Variants in TMTC2 observed in about 807,000 individuals in gnomAD.
TMTC2 encodes the protein transmembrane O-mannosyltransferase targeting cadherins 2.
Under a neutral mutation model 82.4 loss-of-function variants are expected in TMTC2, and 43 were observed. The ratio of observed to expected loss-of-function variants is 0.52; its 90% CI spans 0.41 to 0.67. TMTC2 has a LOEUF of 0.67. TMTC2 is among the 30% of genes least tolerant of loss of function. The pLI, the probability that TMTC2 is intolerant of heterozygous loss-of-function variation, is 0.00. For synonymous variants in TMTC2, 408 were observed against 381.9 expected, an observed-to-expected ratio of 1.07 and a Z score of -0.80; for missense variants, 919 against 1,012.4, an observed-to-expected ratio of 0.91 and a Z score of 1.25.
At chr12:82,914,382 T>C (rs1874872909) in intron 3 of TMTC2, among the ~76,000 whole-genome samples, 1 of 152,172 alleles carries the variant, frequency 6.6e-6, no homozygotes, top group African/African-American at 2.4e-5. Context: ...AGCTACTGGA[T>C]TGATCACAGT....
intron 11 of TMTC2, among the ~76,000 whole-genome samples, chr12:83,115,553 A>G (rs1037626117): frequency 1.3e-5 from 2 of 152,212 alleles, no homozygotes; most frequent in African/African-American, 4.8e-5. Flanking sequence ...GATGAGCTGC[A>G]TGCTTATTGC....
At chr12:82,741,340 T>C (rs1358255391) in intron 1 of TMTC2, among the ~76,000 whole-genome samples, 1 of 152,184 alleles carries the variant, frequency 6.6e-6, no homozygotes, top group East Asian at 1.9e-4. Flanking sequence ...AGACGGAATC[T>C]TGCTCTGTTG....
chr12:82,752,950 T>G (rs920064801), intron 1 of TMTC2, among the ~76,000 whole-genome samples: 5 of 152,154 alleles, frequency 3.3e-5, no homozygotes, highest in Non-Finnish European at 5.9e-5. Flanking sequence ...ACCCCTAGGC[T>G]AAAATCACCT....
At chr12:82,864,496 CTTTTTTT>C (rs775559477) in intron 2 of TMTC2, among the ~76,000 whole-genome samples, 1 of 107,820 alleles carries the variant, frequency 9.3e-6, no homozygotes, top group Non-Finnish European at 1.9e-5. Context: ...ATGTCACATT[CTTTTTTT>C]TTTTTTTTTT....
chr12:82,750,794 T>C (rs1324445313), intron 1 of TMTC2, among the ~76,000 whole-genome samples: 1 of 152,206 alleles, frequency 6.6e-6, no homozygotes, highest in Non-Finnish European at 1.5e-5. Context: ...GTTATGACTT[T>C]TTCTTCTTCT....
At chr12:82,699,812 G>T (rs1485257564) in intron 1 of TMTC2, among the ~76,000 whole-genome samples, 1 of 152,048 alleles carries the variant, frequency 6.6e-6, no homozygotes, top group Non-Finnish European at 1.5e-5. Flanking sequence ...TCTAATCCCA[G>T]AACTATTATA....
At chr12:82,715,941 C>T (rs1373718927) in intron 1 of TMTC2, among the ~76,000 whole-genome samples, 2 of 152,092 alleles carry the variant, frequency 1.3e-5, no homozygotes, top group Admixed American at 1.3e-4. Flanking sequence ...CTTCCTTCTC[C>T]CCTCCGCTCG....
At position 82,709,162 on chromosome 12, in the gene TMTC2, A is replaced by G. The variant is rs554852126; in HGVS notation, c.83+21493A>G. Among the ~76,000 whole-genome samples the G allele has an allele frequency of 6.0e-4, 89 of 148,626 alleles. No homozygotes were observed. In the Middle Eastern group the frequency reaches 0.01, roughly 17 times the overall value. On this transcript the variant is annotated intron_variant, in intron 1 of 11. Transcript: ENST00000321196. ...ATTGCTATCTTCTGTACTTTTTGAG[A>G]CTCCCCATTTGTCAAATGGTTGCAG...
At chr12:82,935,604 G>T (rs2708000) in intron 4 of TMTC2, among the ~76,000 whole-genome samples, 145,167 of 152,300 alleles carry the variant, frequency 0.95, 69,242 homozygotes, top group East Asian at 1. Flanking sequence ...GACTAAGAAA[G>T]AGTCAATGTC....
chr12:82,712,633 G>A (rs1873686706), intron 1 of TMTC2, among the ~76,000 whole-genome samples: 1 of 152,126 alleles, frequency 6.6e-6, no homozygotes, highest in Admixed American at 6.5e-5. Context: ...TGGGAGGCTG[G>A]AGTCTGGCTC....
chr12:82,971,058 A>G (rs1350404033), intron 7 of TMTC2, among the ~76,000 whole-genome samples: 1 of 152,138 alleles, frequency 6.6e-6, no homozygotes, highest in Non-Finnish European at 1.5e-5. Context: ...TTCTGAAGTT[A>G]CAGATGTATT....
At chr12:82,830,185 T>G (rs1464783117) in intron 1 of TMTC2, among the ~76,000 whole-genome samples, 1 of 152,196 alleles carries the variant, frequency 6.6e-6, no homozygotes, top group East Asian at 1.9e-4. Context: ...AAATGCAAAA[T>G]TGGAAAATTT....
At chr12:82,934,027 G>A (rs545736455) in intron 4 of TMTC2, among the ~76,000 whole-genome samples, 1 of 152,116 alleles carries the variant, frequency 6.6e-6, no homozygotes, top group East Asian at 1.9e-4. Flanking sequence ...AGTAGCAGTA[G>A]CTTCAATTAC....
chr12:82,757,452 T>A (rs1383204998), intron 1 of TMTC2, among the ~76,000 whole-genome samples: 3 of 152,234 alleles, frequency 2.0e-5, no homozygotes, highest in Non-Finnish European at 4.4e-5. Flanking sequence ...ATTAAGGGAC[T>A]GGTAGATATT....
chr12:82,740,444 C>G (rs919845842), intron 1 of TMTC2, among the ~76,000 whole-genome samples: 1 of 152,160 alleles, frequency 6.6e-6, no homozygotes, highest in Non-Finnish European at 1.5e-5. Context: ...TTACTGGCTC[C>G]TGACATGGAC....
intron 1 of TMTC2, among the ~76,000 whole-genome samples, chr12:82,824,372 ATAAAAATT>A (rs1465857680): frequency 6.6e-6 from 1 of 152,228 alleles, no homozygotes; most frequent in Non-Finnish European, 1.5e-5. Flanking sequence ...TGATATGCTA[ATAAAAATT>A]TACACCATTC....
intron 8 of TMTC2, among the ~76,000 whole-genome samples, chr12:83,024,111 G>A (rs1881057035): frequency 6.6e-6 from 1 of 152,120 alleles, no homozygotes; most frequent in African/African-American, 2.4e-5. Context: ...AATGTTTTCA[G>A]CATGTAGAAA....
intron 8 of TMTC2, among the ~76,000 whole-genome samples, chr12:82,989,646 G>A (rs960197698): frequency 6.6e-6 from 1 of 151,152 alleles, no homozygotes; most frequent in Non-Finnish European, 1.5e-5. Flanking sequence ...CATGGCACTC[G>A]ATATAGAAAC....
chr12:82,964,301 G>T (rs1313820959), intron 4 of TMTC2, among the ~76,000 whole-genome samples: 1 of 151,974 alleles, frequency 6.6e-6, no homozygotes, highest in Non-Finnish European at 1.5e-5. Flanking sequence ...ATGAGGGTGG[G>T]TTCTGGCATG....
Sources: gnomAD v4.1 joint callset for allele counts (sites outside exome capture counted in the v4.1 genomes callset) on GRCh38, gnomAD v4.1.1 for gene constraint, MANE v1.5 for transcripts, NCBI Gene and HGNC (gene_info 2026-07-23, HGNC 2026-07-21) for gene names.